The following USH2A variants were observed in gnomAD, a reference collection of about 807,000 sequenced individuals.
The protein encoded by USH2A is usherin.
In USH2A, 443 loss-of-function variants were observed where a neutral mutation model predicts 538.9. That is an observed-to-expected ratio of 0.82 (90% CI 0.76 to 0.89). The LOEUF is 0.89. USH2A is among the 40% of genes least tolerant of loss of function. The pLI is 0.00. For missense variants in USH2A, 6,633 were observed against 6,324.8 expected (o/e 1.05, Z -1.65); for synonymous variants, 2,413 against 2,273.5 (o/e 1.06, Z -1.75).
At chr1:215,674,002 T>A in intron 63 of USH2A, 98 bp downstream of exon 63, 1 of 1,608,276 alleles carries the variant, frequency 6.2e-7, no homozygotes. Context: ...ACACCTTGCA[T>A]CCCATTTTTA....
rs756422730 is a variant in USH2A at position 215,766,663 on chromosome 1, T to C, written c.11047+18A>G. 13 of 1,607,680 alleles carry C rather than the reference T, an allele frequency of 8.1e-6. No individual in the cohort carries two copies. Among genetic ancestry groups the C allele is most frequent in the Non-Finnish European group, 1.1e-5 (13 of 1,174,326 alleles). On this transcript the variant is annotated intron_variant, in intron 56 of 71. Coordinates refer to ENST00000307340, the MANE Select transcript of USH2A (RefSeq NM_206933.4). ...TGTGAAAATTTCTTCCCTCAAACCATGGATATTGTTTCATTACCTTCAGGA... is the reference window on the plus strand; with the variant it reads ...TGTGAAAATTTCTTCCCTCAAACCACGGATATTGTTTCATTACCTTCAGGA...
At chr1:216,095,924 G>A (rs2032431515) in intron 22 of USH2A, among the ~76,000 whole-genome samples, 1 of 152,154 alleles carries the variant, frequency 6.6e-6, no homozygotes, top group Admixed American at 6.5e-5. Context: ...CCAATAAAAT[G>A]TAAAACATTT....
At chr1:215,740,540 G>T (rs1660270911) in intron 60 of USH2A, among the ~76,000 whole-genome samples, 1 of 152,094 alleles carries the variant, frequency 6.6e-6, no homozygotes, top group Admixed American at 6.6e-5. Context: ...TAAAACAGAA[G>T]GAAAACTGGA....
At chr1:216,384,465 A>G (rs79086614) in intron 3 of USH2A, among the ~76,000 whole-genome samples, 3,052 of 152,282 alleles carry the variant, frequency 0.02, 98 homozygotes, top group African/African-American at 0.069. Flanking sequence ...AATTCCTTAT[A>G]TTAACAATAA....
At chr1:216,060,527 G>A (rs2031141970) in intron 30 of USH2A, among the ~76,000 whole-genome samples, 1 of 152,090 alleles carries the variant, frequency 6.6e-6, no homozygotes, top group African/African-American at 2.4e-5. Flanking sequence ...TGAGTCATCT[G>A]GAAGATTATT....
chr1:216,260,522 G>A (rs1195406178), intron 11 of USH2A, among the ~76,000 whole-genome samples: 3 of 152,216 alleles, frequency 2.0e-5, no homozygotes, highest in Middle Eastern at 3.4e-3. Context: ...ATGTAGCCAG[G>A]GATTCTGCTA....
At chr1:215,851,641 A>G (rs778428026) in intron 44 of USH2A, among the ~76,000 whole-genome samples, 1 of 152,194 alleles carries the variant, frequency 6.6e-6, no homozygotes, top group Non-Finnish European at 1.5e-5. Context: ...TCATATTGAC[A>G]CTATTCCAAA....
chr1:216,196,652 C>T lies in USH2A; in HGVS notation c.4152G>A (p.Lys1384=). The change falls in exon 19 of 72, where the codon AAG becomes AAA. Residue 1384 remains lysine, a synonymous_variant. Transcript: ENST00000307340. ...SSYSLNISWE[K]PADNVTRGKV... is the part of the protein sequence containing the mutation. ...TTCCTCTTGTAACATTATCTGCTGG[C>T]TTCTCCCAGGAGATATTGAGAGAGT... 6.2e-7 allele frequency: 1 copy of T among 1,613,504 alleles called. No homozygotes were observed. The highest frequency in any genetic ancestry group is 8.5e-7 in the Non-Finnish European group (1 of 1,179,664).
intron 56 of USH2A, among the ~76,000 whole-genome samples, chr1:215,760,749 C>T (rs1474263377): frequency 2.6e-5 from 4 of 152,074 alleles, no homozygotes; most frequent in African/African-American, 9.7e-5. Flanking sequence ...AACATAAAGC[C>T]CAGAAGATTC....
intron 3 of USH2A, among the ~76,000 whole-genome samples, chr1:216,392,482 AC>A (rs1302570499): frequency 8.4e-6 from 1 of 118,806 alleles, no homozygotes; most frequent in East Asian, 2.6e-4. Context: ...ACAGAGCAAG[AC>A]TCCGTCTCAA....
At chr1:216,123,925 C>T (rs772999171) in intron 21 of USH2A, among the ~76,000 whole-genome samples, 1 of 151,726 alleles carries the variant, frequency 6.6e-6, no homozygotes, top group Non-Finnish European at 1.5e-5. Flanking sequence ...TACAGTGACC[C>T]CATAGCCCTA....
chr1:216,129,560 A>G (rs1372991829), intron 21 of USH2A, among the ~76,000 whole-genome samples: 1 of 152,132 alleles, frequency 6.6e-6, no homozygotes, highest in African/African-American at 2.4e-5. Context: ...ATTGAAAAAG[A>G]TATGAAAAAT....
intron 38 of USH2A, among the ~76,000 whole-genome samples, chr1:215,933,541 G>T (rs1268349042): frequency 6.6e-6 from 1 of 151,918 alleles, no homozygotes. Context: ...TGGCATAAAA[G>T]GTAGATAATA....
intron 21 of USH2A, among the ~76,000 whole-genome samples, chr1:216,128,959 T>C (rs2033313679): frequency 6.6e-6 from 1 of 151,934 alleles, no homozygotes; most frequent in African/African-American, 2.4e-5. Context: ...TCTGTCTCCA[T>C]GAGATCAATT....
intron 21 of USH2A, among the ~76,000 whole-genome samples, chr1:216,156,678 G>C (rs1339075519): frequency 2.0e-5 from 3 of 152,046 alleles, no homozygotes; most frequent in African/African-American, 7.2e-5. Flanking sequence ...GGACAACTGA[G>C]ACCTAATTAA....
At chr1:215,814,957 C>T (rs958948422) in intron 48 of USH2A, among the ~76,000 whole-genome samples, 1 of 152,070 alleles carries the variant, frequency 6.6e-6, no homozygotes, top group African/African-American at 2.4e-5. Flanking sequence ...TGGCTGTAAT[C>T]TTATGGTAAA....
chr1:216,247,284 A>T (rs1207154212), intron 12 of USH2A, 58 bp from the exon 13 acceptor site: 2 of 1,598,774 alleles, frequency 1.3e-6, no homozygotes, highest in Middle Eastern at 4.0e-4. Flanking sequence ...TTCAAGATAG[A>T]CGAGACACAA....
rs775803174 is a variant in USH2A at position 216,073,207 on chromosome 1, T to C, written c.5666A>G (p.Asp1889Gly). Residue 1889 changes from aspartate to glycine, a missense_variant, in exon 28 of 72, where the codon GAT (aspartate) becomes GGT (glycine). Asp to Gly is a moderately conservative substitution (Grantham distance 94, BLOSUM62 -1). Coordinates refer to ENST00000307340, the MANE Select transcript of USH2A (RefSeq NM_206933.4). The part of the protein sequence containing the change: ...VSSGAVRVNL[D>G]GCLSTDSAVN... ...AGCACTGTCAGTTGATAGGCATCCA[T>C]CCAGATTGACTCTGACAGCACCGCT... The C allele has an allele frequency of 1.9e-6, 3 of 1,613,876 alleles. No homozygotes were observed. Among genetic ancestry groups the C allele is most frequent in the Non-Finnish European group, 2.5e-6 (3 of 1,179,950 alleles).
At chr1:216,248,281 T>C (rs887718748) in intron 12 of USH2A, among the ~76,000 whole-genome samples, 2 of 152,034 alleles carry the variant, frequency 1.3e-5, no homozygotes, top group Non-Finnish European at 2.9e-5. Context: ...AGTAAGGTTA[T>C]TCTAAAAGAT....
Sources: allele counts gnomAD v4.1 joint callset (sites outside exome capture counted in the v4.1 genomes callset), GRCh38; gene constraint gnomAD v4.1.1; transcripts MANE v1.5; gene names NCBI Gene and HGNC (gene_info 2026-07-23, HGNC 2026-07-21).